SUPT3H: variants seen among roughly 807,000 people sequenced by gnomAD.
SUPT3H encodes the protein SPT3 homolog, SAGA and STAGA complex component, also known as transcription initiation protein SPT3 homolog.
Under a neutral mutation model 44.3 loss-of-function variants are expected in SUPT3H, and 44 were observed. The observed-to-expected ratio is 0.99, with a 90% confidence interval of 0.78 to 1.28. SUPT3H has a LOEUF of 1.28. Ranked by LOEUF, SUPT3H falls within the 50% of genes most tolerant of loss-of-function variation. SUPT3H has a pLI of 0.00. For synonymous variants in SUPT3H, 124 were observed against 125.6 expected (o/e 0.99, Z 0.09); for missense variants, 380 against 387.1 (o/e 0.98, Z 0.15).
At chr6:44,934,443 C>G (rs966600350) in intron 9 of SUPT3H, among the ~76,000 whole-genome samples, 1 of 152,168 alleles carries the variant, frequency 6.6e-6, no homozygotes, top group Non-Finnish European at 1.5e-5. Flanking sequence ...TCCCTACATA[C>G]TCCTATGGAG....
chr6:45,120,676 A>G (rs1801536571), intron 2 of SUPT3H, among the ~76,000 whole-genome samples: 1 of 152,134 alleles, frequency 6.6e-6, no homozygotes, highest in Admixed American at 6.5e-5. Context: ...GGCTGAACAA[A>G]TTCTTCCAAG....
intron 2 of SUPT3H, among the ~76,000 whole-genome samples, chr6:45,229,520 T>C (rs563895494): frequency 1.8e-4 from 27 of 152,238 alleles, no homozygotes; most frequent in Non-Finnish European, 3.8e-4. Context: ...TAGATGGTGT[T>C]CTATATATAT....
In SUPT3H at chr6:45,309,530, G is replaced by A. The variant is rs76825893; in HGVS notation, c.101+55671C>T. On this transcript the variant is annotated intron_variant, in intron 2 of 10. Transcript: ENST00000371459. The stretch of plus-strand genomic sequence containing the variant: ...ACAGCATCAAAACAGCAAATATTTC[G>A]GTCATAGGAGTTCAAGAAGAAGAAA... Among the ~76,000 whole-genome samples the A allele has an allele frequency of 7.4e-3, 1,117 of 151,542 alleles. 19 individuals carry two copies. Among genetic ancestry groups the A allele is most frequent in the African/African-American group, 0.025 (1,049 of 41,388 alleles).
intron 10 of SUPT3H, among the ~76,000 whole-genome samples, chr6:44,930,519 G>A (rs545737672): frequency 1.4e-5 from 2 of 143,428 alleles, no homozygotes; most frequent in Non-Finnish European, 3.0e-5. Flanking sequence ...AGCTGAGATC[G>A]TACCAATGCA....
intron 2 of SUPT3H, among the ~76,000 whole-genome samples, chr6:45,170,502 T>C (rs1482363930): frequency 2.0e-5 from 3 of 152,224 alleles, no homozygotes; most frequent in African/African-American, 4.8e-5. Context: ...AAATCCCCTG[T>C]AGCTGAAATC....
chr6:45,043,411 C>T (rs1261335451), intron 3 of SUPT3H, among the ~76,000 whole-genome samples: 2 of 152,064 alleles, frequency 1.3e-5, no homozygotes, highest in East Asian at 3.9e-4. Context: ...TATGAATGAT[C>T]CAGTCACCCA....
rs1816541467 is a variant in SUPT3H, at chr6:45,198,929, A to G, written c.102-92923T>C. Among the ~76,000 whole-genome samples the G allele has an allele frequency of 2.0e-5, 3 of 151,328 alleles. No homozygotes were observed. In the South Asian group the frequency reaches 6.2e-4, roughly 31 times the overall value. Reference sequence around the variant, plus strand: ...AGGATATAGAAAAATGCAACAGAATAGCTTTATAACAGACCAATTACAACA... The same window carrying G: ...AGGATATAGAAAAATGCAACAGAATGGCTTTATAACAGACCAATTACAACA... On this transcript the variant is annotated intron_variant, in intron 2 of 10. Transcript: ENST00000371459.
At chr6:45,006,400 T>G (rs560983798) in intron 5 of SUPT3H, among the ~76,000 whole-genome samples, 1 of 152,100 alleles carries the variant, frequency 6.6e-6, no homozygotes, top group Non-Finnish European at 1.5e-5. Context: ...GGTTTGGCCA[T>G]GTTGATAGTC....
intron 3 of SUPT3H, among the ~76,000 whole-genome samples, chr6:45,094,571 T>C (rs1583502057): frequency 6.6e-6 from 1 of 152,144 alleles, no homozygotes; most frequent in Non-Finnish European, 1.5e-5. Context: ...CTCTGTGTCA[T>C]GCCTTTAGCA....
intron 10 of SUPT3H, among the ~76,000 whole-genome samples, chr6:44,835,732 C>G (rs1178686159): frequency 6.6e-6 from 1 of 152,002 alleles, no homozygotes; most frequent in Non-Finnish European, 1.5e-5. Context: ...CTAAATTAGT[C>G]CCCCTCTCTG....
intron 3 of SUPT3H, among the ~76,000 whole-genome samples, chr6:45,084,492 A>G (rs888245577): frequency 2.6e-5 from 4 of 152,200 alleles, no homozygotes; most frequent in African/African-American, 9.6e-5. Context: ...GCAAAGAAAA[A>G]GAAACTTTCA....
intron 3 of SUPT3H, among the ~76,000 whole-genome samples, chr6:45,084,243 T>C (rs1050858417): frequency 1.9e-4 from 29 of 152,100 alleles, no homozygotes; most frequent in African/African-American, 7.0e-4. Flanking sequence ...CAAATACCCA[T>C]GCGACAAAGG....
At chr6:45,123,059 T>C (rs924431549) in intron 2 of SUPT3H, among the ~76,000 whole-genome samples, 24 of 152,194 alleles carry the variant, frequency 1.6e-4, no homozygotes, top group African/African-American at 5.5e-4. Flanking sequence ...ATTTTCTTTA[T>C]TGGGTTTTCT....
At chr6:45,305,035 G>A (rs1033983204) in intron 2 of SUPT3H, among the ~76,000 whole-genome samples, 3 of 152,048 alleles carry the variant, frequency 2.0e-5, no homozygotes, top group Non-Finnish European at 2.9e-5. Context: ...TTTTCTTCAC[G>A]CTTTTATATT....
chr6:45,242,116 A>G (rs1205365948), intron 2 of SUPT3H, among the ~76,000 whole-genome samples: 1 of 152,226 alleles, frequency 6.6e-6, no homozygotes, highest in Non-Finnish European at 1.5e-5. Context: ...CCAGAAAACT[A>G]GATAAAATAC....
chr6:44,834,518 C>A (rs1432106740), intron 10 of SUPT3H, among the ~76,000 whole-genome samples: 2 of 152,110 alleles, frequency 1.3e-5, no homozygotes, highest in African/African-American at 4.8e-5. Flanking sequence ...GGAAACTAAG[C>A]CTGCTAAACC....
intron 2 of SUPT3H, among the ~76,000 whole-genome samples, chr6:45,171,258 A>C (rs1583991728): frequency 6.6e-6 from 1 of 152,208 alleles, no homozygotes; most frequent in Non-Finnish European, 1.5e-5. Context: ...TTATCAGAAG[A>C]TACATAAAAT....
intron 2 of SUPT3H, among the ~76,000 whole-genome samples, chr6:45,202,440 T>C (rs1331969359): frequency 6.6e-6 from 1 of 151,978 alleles, no homozygotes; most frequent in Non-Finnish European, 1.5e-5. Context: ...AAGTCAAAAC[T>C]ACTGCAACAA....
intron 2 of SUPT3H, among the ~76,000 whole-genome samples, chr6:45,148,287 T>A (rs1440153467): frequency 6.6e-6 from 1 of 152,130 alleles, no homozygotes; most frequent in East Asian, 1.9e-4. Flanking sequence ...TCCTATGAGG[T>A]CAATACTACT....
Sources: gnomAD v4.1 joint callset for allele counts (sites outside exome capture counted in the v4.1 genomes callset) on GRCh38, gnomAD v4.1.1 for gene constraint, MANE v1.5 for transcripts, NCBI Gene and HGNC (gene_info 2026-07-23, HGNC 2026-07-21) for gene names.